Variants in RBFOX1 observed in about 807,000 individuals in gnomAD.
RBFOX1 encodes RNA binding fox-1 homolog 1.
A neutral mutation model predicts 57.7 loss-of-function variants in RBFOX1; 8 were observed. That is an observed-to-expected ratio of 0.14 (90% CI 0.08 to 0.25). The LOEUF (loss-of-function observed/expected upper bound fraction) is 0.25. Among genes scored for constraint, RBFOX1 ranks in the 10% least tolerant of loss-of-function variants. The pLI, the probability that RBFOX1 is intolerant of heterozygous loss-of-function variation, is 1.00. For synonymous variants in RBFOX1, 326 were observed against 222.4 expected (o/e 1.47, Z -4.15); for missense variants, 611 against 548.5 (o/e 1.11, Z -1.14).
intron 4 of RBFOX1, among the ~76,000 whole-genome samples, chr16:7,199,810 G>C (rs1176202700): frequency 6.6e-6 from 1 of 152,058 alleles, no homozygotes; most frequent in African/African-American, 2.4e-5. Context: ...CCCAAGAATT[G>C]CTTGAACCCA....
chr16:6,614,766 C>G (rs1266709629), intron 2 of RBFOX1, among the ~76,000 whole-genome samples: 1 of 152,152 alleles, frequency 6.6e-6, no homozygotes, highest in Non-Finnish European at 1.5e-5. Flanking sequence ...TCTCTGACTT[C>G]ACATGGCCAT....
intron 4 of RBFOX1, among the ~76,000 whole-genome samples, chr16:5,988,435 T>C (rs2060323203): frequency 6.6e-6 from 1 of 152,244 alleles, no homozygotes; most frequent in Non-Finnish European, 1.5e-5. Context: ...TATTTACTTT[T>C]GGGAGGCAGG....
At chr16:7,705,537 C>T (rs1343581182) in intron 14 of RBFOX1, among the ~76,000 whole-genome samples, 4 of 152,024 alleles carry the variant, frequency 2.6e-5, no homozygotes, top group South Asian at 2.1e-4. Flanking sequence ...ATCCTATGTG[C>T]CTGGAGCACA....
chr16:7,439,627 G>A (rs1303464039), intron 4 of RBFOX1, among the ~76,000 whole-genome samples: 2 of 152,162 alleles, frequency 1.3e-5, no homozygotes, highest in South Asian at 4.1e-4. Flanking sequence ...ACGCTGCTCA[G>A]TTTTTCCTGA....
At chr16:6,658,942 TTTG>T (rs1261386799) in intron 3 of RBFOX1, among the ~76,000 whole-genome samples, 2 of 137,462 alleles carry the variant, frequency 1.5e-5, no homozygotes, top group South Asian at 2.3e-4. Flanking sequence ...TTTTGTTTTT[TTTG>T]TTTTTTTTTT....
chr16:7,248,118 A>C (rs56318293), intron 4 of RBFOX1, among the ~76,000 whole-genome samples: 26 of 152,282 alleles, frequency 1.7e-4, no homozygotes, highest in African/African-American at 6.0e-4. Flanking sequence ...ACTGTGAATG[A>C]AGGCAAAGAC....
chr16:7,108,290 C>T (rs540518181), intron 4 of RBFOX1, among the ~76,000 whole-genome samples: 16 of 152,226 alleles, frequency 1.1e-4, no homozygotes, highest in African/African-American at 1.9e-4. Context: ...CATATATGCT[C>T]ACAATCTCCC....
intron 2 of RBFOX1, among the ~76,000 whole-genome samples, chr16:5,504,171 C>T (rs945763383): frequency 2.0e-5 from 3 of 152,204 alleles, no homozygotes; most frequent in African/African-American, 7.2e-5. Flanking sequence ...ATTTCAAACT[C>T]GATTTGAGGC....
intron 1 of RBFOX1, among the ~76,000 whole-genome samples, chr16:6,101,306 A>C (rs1473412306): frequency 6.6e-6 from 1 of 151,966 alleles, no homozygotes; most frequent in Non-Finnish European, 1.5e-5. Flanking sequence ...CCAAATAATC[A>C]CATGCAGACA....
chr16:6,608,052 C>T (rs1462923319), intron 2 of RBFOX1, among the ~76,000 whole-genome samples: 2 of 152,164 alleles, frequency 1.3e-5, no homozygotes, highest in Admixed American at 1.3e-4. Flanking sequence ...AAAAGTCCTT[C>T]ATTGTACAGA....
At chr16:6,669,818 G>C (rs997033678) in intron 3 of RBFOX1, among the ~76,000 whole-genome samples, 2 of 152,146 alleles carry the variant, frequency 1.3e-5, no homozygotes, top group South Asian at 2.1e-4. Context: ...GAGCACAGTA[G>C]AAAAGCAAAT....
In RBFOX1 at chr16:7,709,174, C is replaced by T. The variant is rs545502747; in HGVS notation, c.1071+43C>T. ...CTTGTCCTCACTTCCTCCTGCCTCCCTTCCCTTTCCCCAGCTGGGACCTCA... is the reference window on the plus strand; with the variant it reads ...CTTGTCCTCACTTCCTCCTGCCTCCTTTCCCTTTCCCCAGCTGGGACCTCA... On this transcript the variant is annotated intron_variant, in intron 15 of 15. Transcript: ENST00000550418. The T allele has an allele frequency of 1.4e-5, 22 of 1,535,624 alleles. No individual in the cohort carries two copies. The East Asian group carries it at 4.8e-4, about 33-fold the overall frequency.
chr16:7,396,839 G>C (rs1249624727), intron 4 of RBFOX1, among the ~76,000 whole-genome samples: 4 of 152,182 alleles, frequency 2.6e-5, no homozygotes, highest in African/African-American at 9.7e-5. Context: ...TACTCTGGAG[G>C]CTGAGGCATG....
chr16:6,941,442 A>G (rs1208430119), intron 3 of RBFOX1, among the ~76,000 whole-genome samples: 2 of 151,886 alleles, frequency 1.3e-5, no homozygotes, highest in African/African-American at 4.8e-5. Flanking sequence ...ATTTAAAATA[A>G]ACACCAAAGT....
chr16:6,727,458 C>T (rs1316853662), intron 3 of RBFOX1, among the ~76,000 whole-genome samples: 2 of 151,838 alleles, frequency 1.3e-5, no homozygotes, highest in African/African-American at 4.8e-5. Flanking sequence ...GCTGCTTCCA[C>T]CTACACCAGA....
chr16:6,693,546 A>T (rs1018366514), intron 3 of RBFOX1, among the ~76,000 whole-genome samples: 2 of 149,150 alleles, frequency 1.3e-5, no homozygotes, highest in African/African-American at 5.0e-5. Context: ...TAGCAACATC[A>T]TCTTCCTCCA....
At chr16:7,106,366 A>C (rs1223842712) in intron 4 of RBFOX1, among the ~76,000 whole-genome samples, 1 of 152,176 alleles carries the variant, frequency 6.6e-6, no homozygotes, top group East Asian at 1.9e-4. Flanking sequence ...AGAATTGGCA[A>C]ATGGAGTCAG....
intron 1 of RBFOX1, among the ~76,000 whole-genome samples, chr16:6,205,007 A>G (rs1190856817): frequency 1.3e-5 from 2 of 152,184 alleles, no homozygotes; most frequent in Non-Finnish European, 2.9e-5. Context: ...CCTTTTTTAA[A>G]TTACCATAAA....
At chr16:5,884,693 T>C (rs1400231601) in intron 4 of RBFOX1, among the ~76,000 whole-genome samples, 1 of 152,116 alleles carries the variant, frequency 6.6e-6, no homozygotes, top group Non-Finnish European at 1.5e-5. Flanking sequence ...AGTTTCTTAA[T>C]GTACTTTTGC....
Sources: gnomAD v4.1 joint callset for allele counts (sites outside exome capture counted in the v4.1 genomes callset) on GRCh38, gnomAD v4.1.1 for gene constraint, MANE v1.5 for transcripts, NCBI Gene and HGNC (gene_info 2026-07-23, HGNC 2026-07-21) for gene names.